The following SLC35A3 variants were observed in gnomAD, a reference collection of about 807,000 sequenced individuals.
The protein encoded by SLC35A3 is UDP-N-acetylglucosamine transporter.
In SLC35A3, 26 loss-of-function variants were observed where a neutral mutation model predicts 39.0. That is an observed-to-expected ratio of 0.67 (90% CI 0.49 to 0.92). SLC35A3 has a LOEUF of 0.92. Among genes scored for constraint, SLC35A3 ranks in the 40% least tolerant of loss-of-function variants. The probability of loss-of-function intolerance (pLI) is 0.00; values close to 1 mark genes in which losing one functional copy is unlikely to be tolerated. For missense variants in SLC35A3, 299 were observed against 371.6 expected, an observed-to-expected ratio of 0.80 and a Z score of 1.61; for synonymous variants, 135 against 133.1, an observed-to-expected ratio of 1.01 and a Z score of -0.10.
chr1:100,012,500 C>T (rs753585218), intron 5 of SLC35A3, among the ~76,000 whole-genome samples: 30 of 151,980 alleles, frequency 2.0e-4, no homozygotes, highest in Non-Finnish European at 3.1e-4. Context: ...TAAATAATTA[C>T]CTATCACAAT....
rs753928142 is a variant in SLC35A3 at position 99,970,673 on chromosome 1, T to G, written c.-19+511T>G. On this transcript the variant is annotated intron_variant, in intron 1 of 7. Transcript: ENST00000533028. Reference sequence around the variant, plus strand: ...AGGCTAGTAAGAACACAAGGACTGTTTGAAGTGGGGTGAGATTCTCATCAG... The same window carrying G: ...AGGCTAGTAAGAACACAAGGACTGTGTGAAGTGGGGTGAGATTCTCATCAG... 4.7e-6 allele frequency: 7 copies of G among 1,477,410 alleles called. No homozygotes were observed. In the South Asian group the frequency reaches 8.4e-5, roughly 18 times the overall value. The allele number at this position is 1,477,410 out of a possible 1,614,324, so 91.5% of individuals were successfully genotyped here. A position where few individuals can be genotyped will look rare whatever the true frequency, so the allele number is the denominator to read the frequency against.
chr1:99,982,003 CT>C (rs549298454), intron 1 of SLC35A3, among the ~76,000 whole-genome samples: 7,870 of 125,754 alleles, frequency 0.063, 191 homozygotes, highest in African/African-American at 0.1. Flanking sequence ...AGGATGTATT[CT>C]TTTTTTTTTT....
At chr1:100,007,222 G>A (rs950152933) in intron 4 of SLC35A3, 66 bp downstream of exon 4, 3 of 1,386,300 alleles carry the variant, frequency 2.2e-6, no homozygotes, top group Non-Finnish European at 3.0e-6. Flanking sequence ...TTTATTTTGT[G>A]TGGAGAAATA....
intron 1 of SLC35A3, chr1:99,970,661 C>A: frequency 6.6e-7 from 1 of 1,516,512 alleles, no homozygotes; most frequent in Non-Finnish European, 8.9e-7. Flanking sequence ...CTAGTAAGAA[C>A]ACAAGGACTG....
intron 2 of SLC35A3, among the ~76,000 whole-genome samples, chr1:99,994,406 T>A (rs1307004678): frequency 6.6e-6 from 1 of 151,950 alleles, no homozygotes; most frequent in Non-Finnish European, 1.5e-5. Context: ...TAAAATTTTG[T>A]ATCACTTTAA....
chr1:99,988,587 TTCTTCCTTC>T (rs991416772), intron 1 of SLC35A3, among the ~76,000 whole-genome samples: 1 of 151,988 alleles, frequency 6.6e-6, no homozygotes, highest in African/African-American at 2.4e-5. Flanking sequence ...TGTTATTGTT[TTCTTCCTTC>T]TCTTCCTTCC....
chr1:100,014,049 T>C (rs1297007149), intron 5 of SLC35A3, among the ~76,000 whole-genome samples: 1 of 152,186 alleles, frequency 6.6e-6, no homozygotes, highest in Non-Finnish European at 1.5e-5. Flanking sequence ...ATAGAATATG[T>C]TTTTGAGGTG....
At position 99,993,594 on chromosome 1, in the gene SLC35A3, G is replaced by C; in HGVS notation, c.40G>C (p.Val14Leu). The stretch of plus-strand genomic sequence containing the variant: ...AAAATACGTTTCCCTGGGAATTTTG[G>C]TCTTTCAGACTACCAGTTTGGTTCT... ...NLKYVSLGIL[V>L]FQTTSLVLTM... Residue 14 changes from valine to leucine, a missense_variant, in exon 2 of 8, where the codon GTC becomes CTC. Val to Leu is a conservative substitution (Grantham distance 32). Transcript: ENST00000533028. The C allele has an allele frequency of 6.2e-7, 1 of 1,613,742 alleles. No individual in the cohort carries two copies. The highest frequency in any genetic ancestry group is 8.5e-7 in the Non-Finnish European group (1 of 1,179,890).
At position 100,031,845 on chromosome 1, in the gene SLC35A3, T is replaced by G. The variant is rs948883829; in HGVS notation, c.*9369T>G. 1.3e-5 allele frequency: 2 copies of G among 152,138 alleles called. No individual in the cohort carries two copies. Among genetic ancestry groups the G allele is most frequent in the African/African-American group, 4.8e-5 (2 of 41,370 alleles). 9.4% of individuals were successfully genotyped at this position (152,138 alleles called of 1,614,324 possible). The stretch of plus-strand genomic sequence containing the variant: ...GAAGTCCCCTTCCTGCACCACCACC[T>G]GCCCCTCAATGGCTTTTTTATACCA... On this transcript the variant is annotated 3_prime_UTR_variant, in exon 8 of 8. Coordinates refer to ENST00000533028, the MANE Select transcript of SLC35A3 (RefSeq NM_012243.3).
chr1:100,015,232 T>C, intron 5 of SLC35A3, 70 bp from the exon 6 acceptor site: 1 of 1,329,304 alleles, frequency 7.5e-7, no homozygotes, highest in Non-Finnish European at 9.9e-7. Flanking sequence ...TTATTTGGAA[T>C]GTCAGTGGAA....
At chr1:100,012,755 A>G (rs899795575) in intron 5 of SLC35A3, among the ~76,000 whole-genome samples, 2 of 152,214 alleles carry the variant, frequency 1.3e-5, no homozygotes, top group African/African-American at 2.4e-5. Flanking sequence ...AGTCTATCCT[A>G]TAAGAGCACA....
At position 100,034,523 on chromosome 1, in the gene SLC35A3, T is replaced by C. The variant is rs1661399996; in HGVS notation, c.*12047T>C. ...TCTATTGATTGAAAAGTTTTCATTT[T>C]CTGTTTTTTATAATAGCCTTGTATG... is the stretch of plus-strand genomic sequence containing the variant. On this transcript the variant is annotated 3_prime_UTR_variant, in exon 8 of 8. Transcript: ENST00000533028. 1 of 152,124 alleles carries C rather than the reference T, an allele frequency of 6.6e-6. No individual in the cohort carries two copies. Among genetic ancestry groups the C allele is most frequent in the African/African-American group, 2.4e-5 (1 of 41,424 alleles). The allele number at this position is 152,124 out of a possible 1,614,324, so 9.4% of individuals were successfully genotyped here.
chr1:99,993,928 T>G (rs1413542118), intron 2 of SLC35A3, among the ~76,000 whole-genome samples, 187 bp downstream of exon 2: 1 of 152,172 alleles, frequency 6.6e-6, no homozygotes, highest in Non-Finnish European at 1.5e-5. Context: ...GTATCATGAT[T>G]CATATCTTCT....
chr1:100,003,645 G>A (rs1433881260), intron 3 of SLC35A3, among the ~76,000 whole-genome samples: 1 of 152,134 alleles, frequency 6.6e-6, no homozygotes, highest in African/African-American at 2.4e-5. Context: ...GGTATAAAGT[G>A]TAGTTTAAAT....
At chr1:99,979,082 A>G (rs1657291857) in intron 1 of SLC35A3, 1 of 152,224 alleles carries the variant, frequency 6.6e-6, no homozygotes, top group South Asian at 2.1e-4. Flanking sequence ...CATTACATTT[A>G]AAAAATACAG....
At position 100,019,396 on chromosome 1, in the gene SLC35A3, AATGAATGAAT is replaced by A. The variant is rs879545554; in HGVS notation, c.887+1582_887+1591del. Among the ~76,000 whole-genome samples the A allele has an allele frequency of 8.9e-3, 1,350 of 152,242 alleles. 9 individuals are homozygous for A. Among genetic ancestry groups the A allele is most frequent in the Middle Eastern group, 0.054 (16 of 294 alleles). On this transcript the variant is annotated intron_variant, in intron 7 of 7. Transcript: ENST00000533028. ...ACTGCCATTATTGAATGAATGAATG[AATGAATGAAT>A]GAATGAATGAATATTTTGAGAATAT...
chr1:99,994,811 G>A (rs760990150), intron 2 of SLC35A3, among the ~76,000 whole-genome samples: 2 of 152,044 alleles, frequency 1.3e-5, no homozygotes, highest in Non-Finnish European at 2.9e-5. Context: ...TTCCTTTTGG[G>A]TATATATTTA....
chr1:99,971,540 C>T (rs1449393540), intron 1 of SLC35A3, among the ~76,000 whole-genome samples: 1 of 152,152 alleles, frequency 6.6e-6, no homozygotes, highest in African/African-American at 2.4e-5. Flanking sequence ...ATCTCCTGAC[C>T]TCGTGATCCA....
At chr1:100,018,207 G>C (rs545935479) in intron 7 of SLC35A3, among the ~76,000 whole-genome samples, 17 of 152,260 alleles carry the variant, frequency 1.1e-4, no homozygotes, top group African/African-American at 4.1e-4. Context: ...AACTCAATTA[G>C]GTGGTAGCAG....
Sources: gnomAD v4.1 joint callset for allele counts (sites outside exome capture counted in the v4.1 genomes callset) on GRCh38, gnomAD v4.1.1 for gene constraint, MANE v1.5 for transcripts, NCBI Gene and HGNC (gene_info 2026-07-23, HGNC 2026-07-21) for gene names.